KCNC1: variants seen among roughly 807,000 people sequenced by gnomAD.
The protein encoded by KCNC1 is potassium voltage-gated channel subfamily C member 1, also known as voltage-gated potassium channel KCNC1.
KCNC1 carries 8 observed loss-of-function variants against 43.4 expected under a neutral mutation model. The ratio of observed to expected loss-of-function variants is 0.18; its 90% CI spans 0.11 to 0.33. The LOEUF is 0.33. Ranked by LOEUF, KCNC1 falls within the 10% of genes least tolerant of loss-of-function variation. The pLI is 1.00. For missense variants in KCNC1, 420 were observed against 836.0 expected, an observed-to-expected ratio of 0.50 and a Z score of 6.14; for synonymous variants, 361 against 360.5, an observed-to-expected ratio of 1.00 and a Z score of -0.01.
intron 1 of KCNC1, among the ~76,000 whole-genome samples, chr11:17,770,333 G>A (rs1849210554): frequency 6.6e-6 from 1 of 152,278 alleles, no homozygotes; most frequent in African/African-American, 2.4e-5. Flanking sequence ...CCATGGCTAG[G>A]CAGGGAGAAG....
chr11:17,760,357 T>C (rs1849064182), intron 1 of KCNC1, among the ~76,000 whole-genome samples: 1 of 152,150 alleles, frequency 6.6e-6, no homozygotes, highest in South Asian at 2.1e-4. Context: ...ACAAGAGGAA[T>C]TTCCCACGTG....
In KCNC1 at chr11:17,777,563, G is replaced by A. The variant is rs1169074664; in HGVS notation, c.1505-1893G>A. The A allele has an allele frequency of 1.3e-5, 13 of 985,710 alleles. No individual in the cohort carries two copies. Among genetic ancestry groups the A allele is most frequent in the African/African-American group, 5.2e-5 (3 of 57,232 alleles). 61.1% of individuals were successfully genotyped at this position (985,710 alleles called of 1,614,324 possible). A position where few individuals can be genotyped will look rare whatever the true frequency, so the allele number is the denominator to read the frequency against. On this transcript the variant is annotated intron_variant, in intron 2 of 3. Transcript: ENST00000265969. This position sits in a 1 kb window ranked among gnomAD's most constrained non-coding sequence, Gnocchi z 4.3. ...TGGGAGGCAGGACCAGCGTGTCTGC[G>A]AGCACACGTGTGTGCCTGCAGACAT...
In KCNC1 at chr11:17,781,623, G is replaced by T; in HGVS notation, c.1694-47G>T. ...AAACTAAGTACCAAGCGGGATGGGA[G>T]AGCCAAGAAGAGAAGCTCAAGTGTT... On this transcript the variant is annotated intron_variant, in intron 3 of 3. Coordinates refer to ENST00000265969, the MANE Select transcript of KCNC1 (RefSeq NM_001112741.2). This position sits in a 1 kb window ranked among gnomAD's most constrained non-coding sequence, Gnocchi z 5.1. 1 of 1,320,158 alleles carries T rather than the reference G, an allele frequency of 7.6e-7. No homozygotes were observed. Among genetic ancestry groups the T allele is most frequent in the Non-Finnish European group, 1.1e-6 (1 of 937,848 alleles). The allele number at this position is 1,320,158 out of a possible 1,614,324, so 81.8% of individuals were successfully genotyped here.
intron 1 of KCNC1, among the ~76,000 whole-genome samples, chr11:17,769,202 C>A (rs1474954183): frequency 6.6e-6 from 1 of 152,126 alleles, no homozygotes; most frequent in African/African-American, 2.4e-5. Flanking sequence ...CTGAATGTAT[C>A]CTTCACCTGA....
At chr11:17,747,563 G>C (rs1378410368) in intron 1 of KCNC1, among the ~76,000 whole-genome samples, 1 of 152,132 alleles carries the variant, frequency 6.6e-6, no homozygotes, top group Non-Finnish European at 1.5e-5. Flanking sequence ...AGGGCTGGGG[G>C]CTCCTGTTGG....
intron 1 of KCNC1, among the ~76,000 whole-genome samples, chr11:17,764,656 C>T (rs991032100): frequency 1.2e-4 from 18 of 152,338 alleles, no homozygotes; most frequent in East Asian, 3.9e-4. Context: ...CTGCCCCTTG[C>T]GCCGGTGCAG....
At chr11:17,759,608 G>A (rs73424013) in intron 1 of KCNC1, among the ~76,000 whole-genome samples, 26,334 of 152,074 alleles carry the variant, frequency 0.17, 2,436 homozygotes, top group African/African-American at 0.23. Context: ...GACCATTGTA[G>A]GGTTATTAAT....
rs552972841 is a variant in KCNC1, at chr11:17,779,580, C to T, written c.1629C>T (p.Tyr543=). The T allele has an allele frequency of 1.0e-3, 1,627 of 1,551,510 alleles. 21 individuals are homozygous for T. The highest frequency in any genetic ancestry group is 8.3e-5 in the Non-Finnish European group (95 of 1,146,962). ...CGCGCTCGGGCACCCGCGAGAGATA[C>T]GGACCCTGCTTCCTCTTATCAACCG... ...PFTRSGTRER[Y]GPCFLLSTGE... is the part of the protein sequence containing the mutation. Residue 543 remains tyrosine (Y), a synonymous_variant, in exon 3 of 4, where the codon TAC becomes TAT. Transcript: ENST00000265969. The surrounding 1 kb of genome is among the most constrained non-coding windows in gnomAD (Gnocchi z 7.2).
rs1023111985 is a variant in KCNC1, at chr11:17,773,766, C to T, written c.1504+1168C>T. On this transcript the variant is annotated intron_variant, in intron 2 of 3. Coordinates refer to ENST00000265969, the MANE Select transcript of KCNC1 (RefSeq NM_001112741.2). The surrounding 1 kb of genome is among the most constrained non-coding windows in gnomAD (Gnocchi z 4.1). ...ATACCATCGACTTATTCTGTGGACA[C>T]AGGGATTTCAAAGGAACAGATGACC... 4.6e-5 allele frequency: 45 copies of T among 985,342 alleles called. No homozygotes were observed. The highest frequency in any genetic ancestry group is 5.2e-5 in the Non-Finnish European group (43 of 829,964). The allele number at this position is 985,342 out of a possible 1,614,324, so 61.0% of individuals were successfully genotyped here. A position where few individuals can be genotyped will look rare whatever the true frequency, so the allele number is the denominator to read the frequency against.
rs181218837 is a variant in KCNC1 at position 17,774,029 on chromosome 11, T to C, written c.1504+1431T>C. ...ACCCACCACCCCATCCCAATCCTCTTCTGGCTTTACCCCACAGCTATGCTG... is the reference window on the plus strand; with the variant it reads ...ACCCACCACCCCATCCCAATCCTCTCCTGGCTTTACCCCACAGCTATGCTG... On this transcript the variant is annotated intron_variant, in intron 2 of 3. Transcript: ENST00000265969. 21 of 985,492 alleles carry C rather than the reference T, an allele frequency of 2.1e-5. No individual in the cohort carries two copies. The African/African-American group carries it at 3.5e-4, about 16-fold the overall frequency. The allele number at this position is 985,492 out of a possible 1,614,324, so 61.0% of individuals were successfully genotyped here. A position where few individuals can be genotyped will look rare whatever the true frequency, so the allele number is the denominator to read the frequency against.
intron 1 of KCNC1, among the ~76,000 whole-genome samples, chr11:17,756,520 A>AACACAC (rs3051818): frequency 0.03 from 4,285 of 143,942 alleles, 81 homozygotes; most frequent in Non-Finnish European, 0.04. Flanking sequence ...CTTCCCTCCA[A>AACACAC]ACACACACAC....
Position 17,739,017 on chromosome 11 carries a change from A to G in KCNC1, c.570+2445A>G, listed in dbSNP as rs1266012465. ...GAGGGCAGAGCGGGATTAGAACCCCAGCTTCCTGCCGCCCGCCCGGCTGGC... is the reference window on the plus strand; with the variant it reads ...GAGGGCAGAGCGGGATTAGAACCCCGGCTTCCTGCCGCCCGCCCGGCTGGC... On this transcript the variant is annotated intron_variant, in intron 1 of 3. Coordinates refer to ENST00000265969, the MANE Select transcript of KCNC1 (RefSeq NM_001112741.2). This position sits in a 1 kb window ranked among gnomAD's most constrained non-coding sequence, Gnocchi z 4.2. Among the ~76,000 whole-genome samples the G allele has an allele frequency of 6.6e-6, 1 of 152,218 alleles. No homozygotes were observed. Among genetic ancestry groups the G allele is most frequent in the Non-Finnish European group, 1.5e-5 (1 of 68,034 alleles).
Position 17,735,160 on chromosome 11 carries a change from G to A in KCNC1, c.-843G>A, listed in dbSNP as rs936457081. The A allele has an allele frequency of 2.0e-5, 3 of 152,166 alleles. No homozygotes were observed. Among genetic ancestry groups the A allele is most frequent in the African/African-American group, 4.8e-5 (2 of 41,424 alleles). 9.4% of individuals were successfully genotyped at this position (152,166 alleles called of 1,614,324 possible). A position where few individuals can be genotyped will look rare whatever the true frequency, so the allele number is the denominator to read the frequency against. On this transcript the variant is annotated 5_prime_UTR_variant, in exon 1 of 4. Coordinates refer to ENST00000265969, the MANE Select transcript of KCNC1 (RefSeq NM_001112741.2). This position sits in a 1 kb window ranked among gnomAD's most constrained non-coding sequence, Gnocchi z 6.7. ...AGCCCAAGTCCGAGCGCAGCCCAGCGGAACCCCAGCTCGAGCCCGGGCTCA... is the reference window on the plus strand; with the variant it reads ...AGCCCAAGTCCGAGCGCAGCCCAGCAGAACCCCAGCTCGAGCCCGGGCTCA...
Position 17,735,951 on chromosome 11 carries a change from G to T in KCNC1, c.-52G>T, listed in dbSNP as rs1848760467. The T allele has an allele frequency of 2.2e-6, 3 of 1,379,212 alleles. No individual in the cohort carries two copies. The African/African-American group carries it at 4.6e-5, about 21-fold the overall frequency. The allele number at this position is 1,379,212 out of a possible 1,614,324, so 85.4% of individuals were successfully genotyped here. A position where few individuals can be genotyped will look rare whatever the true frequency, so the allele number is the denominator to read the frequency against. ...CTCCCCGGCGCCAACTCCCCCTGGC[G>T]GCCGCTCCCATGGGTGTCGCTGGGC... On this transcript the variant is annotated 5_prime_UTR_variant, in exon 1 of 4. Coordinates refer to ENST00000265969, the MANE Select transcript of KCNC1 (RefSeq NM_001112741.2). The surrounding 1 kb of genome is among the most constrained non-coding windows in gnomAD (Gnocchi z 6.7).
chr11:17,763,009 AC>A lies in KCNC1; in HGVS notation c.571-8655del, dbSNP rs555036514. ...ATGTTTCAACTTCCAAAAAAAAGATACGCATCTTGGGATGAAAGTACCATAG... is the reference window on the plus strand; with the variant it reads ...ATGTTTCAACTTCCAAAAAAAAGATAGCATCTTGGGATGAAAGTACCATAG... On this transcript the variant is annotated intron_variant, in intron 1 of 3. Coordinates refer to ENST00000265969, the MANE Select transcript of KCNC1 (RefSeq NM_001112741.2). 6.7e-3 allele frequency among the ~76,000 whole-genome samples: 1,020 copies of A among 152,284 alleles called. 11 individuals carry two copies. The highest frequency in any genetic ancestry group is 8.4e-3 in the Non-Finnish European group (568 of 68,010).
At chr11:17,775,559 G>A in intron 2 of KCNC1, 1 of 985,548 alleles carries the variant, frequency 1.0e-6, no homozygotes, top group Non-Finnish European at 1.2e-6. Flanking sequence ...GGGCCCAGGA[G>A]AAGCTACTTC....
At position 17,773,131 on chromosome 11, in the gene KCNC1, A is replaced by G; in HGVS notation, c.1504+533A>G. 1.0e-6 allele frequency: 1 copy of G among 989,806 alleles called. No individual in the cohort carries two copies. The highest frequency in any genetic ancestry group is 4.7e-5 in the South Asian group (1 of 21,462). 61.3% of individuals were successfully genotyped at this position (989,806 alleles called of 1,614,324 possible). On this transcript the variant is annotated intron_variant, in intron 2 of 3. Coordinates refer to ENST00000265969, the MANE Select transcript of KCNC1 (RefSeq NM_001112741.2). The surrounding 1 kb of genome is among the most constrained non-coding windows in gnomAD (Gnocchi z 4.1). ...GTGCAAGGGTTCTCACCCCCGGCAG[A>G]GCCTGTCTCCATAGCTGAGTAGAAT...
rs79732912 is a variant in KCNC1 at position 17,742,130 on chromosome 11, C to T, written c.570+5558C>T. On this transcript the variant is annotated intron_variant, in intron 1 of 3. Transcript: ENST00000265969. The surrounding 1 kb of genome is among the most constrained non-coding windows in gnomAD (Gnocchi z 4.2). Reference sequence around the variant, plus strand: ...GAGAGGAGTGCTCTACCTGAGGCCCCTCGTGAGCGGGTTAGCTGAGGGCTG... The same window carrying T: ...GAGAGGAGTGCTCTACCTGAGGCCCTTCGTGAGCGGGTTAGCTGAGGGCTG... 0.027 allele frequency among the ~76,000 whole-genome samples: 4,065 copies of T among 152,320 alleles called. 78 individuals carry two copies. Among genetic ancestry groups the T allele is most frequent in the Non-Finnish European group, 0.043 (2,948 of 68,030 alleles).
At chr11:17,756,154 C>T (rs1333372737) in intron 1 of KCNC1, among the ~76,000 whole-genome samples, 1 of 152,144 alleles carries the variant, frequency 6.6e-6, no homozygotes, top group Non-Finnish European at 1.5e-5. Flanking sequence ...CTTGCATTTC[C>T]CTAGTTGATT....
Sources: gnomAD v4.1 joint callset for allele counts (sites outside exome capture counted in the v4.1 genomes callset) on GRCh38, gnomAD v4.1.1 for gene constraint, Gnocchi (gnomAD v3.1) non-coding constraint, MANE v1.5 for transcripts, NCBI Gene and HGNC (gene_info 2026-07-23, HGNC 2026-07-21) for gene names.